ITGA1: variants seen among roughly 807,000 people sequenced by gnomAD.
The protein encoded by ITGA1 is integrin subunit alpha 1.
ITGA1 carries 85 observed loss-of-function variants against 145.9 expected under a neutral mutation model. The observed-to-expected ratio is 0.58, with a 90% CI of 0.49 to 0.70. The LOEUF (loss-of-function observed/expected upper bound fraction) is 0.70, where lower values mean the gene tolerates loss of function less well. Among genes scored for constraint, ITGA1 ranks in the 30% least tolerant of loss-of-function variants. ITGA1 has a pLI of 0.00. For missense variants in ITGA1, 1,351 were observed against 1,418.7 expected, an observed-to-expected ratio of 0.95 and a Z score of 0.77; for synonymous variants, 520 against 495.3, an observed-to-expected ratio of 1.05 and a Z score of -0.66.
chr5:52,943,384 C>T (rs1201692974), intron 26 of ITGA1, among the ~76,000 whole-genome samples: 1 of 152,128 alleles, frequency 6.6e-6, no homozygotes, highest in Non-Finnish European at 1.5e-5. Flanking sequence ...AGTCTCTGTA[C>T]AGGATCTTTA....
intron 3 of ITGA1, among the ~76,000 whole-genome samples, chr5:52,861,992 C>T (rs367789758): frequency 6.6e-6 from 1 of 151,674 alleles, no homozygotes; most frequent in Non-Finnish European, 1.5e-5. Context: ...CCGAGGCAGG[C>T]GGATCACCTG....
intron 6 of ITGA1, among the ~76,000 whole-genome samples, chr5:52,870,868 T>TA (rs1417749742): frequency 6.6e-6 from 1 of 152,200 alleles, no homozygotes. Context: ...GGCAAGGGTG[T>TA]AGGTGAGATA....
intron 1 of ITGA1, among the ~76,000 whole-genome samples, chr5:52,810,012 C>A (rs534771280): frequency 4.1e-5 from 6 of 147,468 alleles, no homozygotes; most frequent in East Asian, 1.9e-4. Context: ...GATTGTGGAA[C>A]CTTTGTATAA....
intron 18 of ITGA1, 148 bp downstream of exon 18, chr5:52,923,035 C>A (rs1750753573): frequency 3.4e-6 from 2 of 591,682 alleles, no homozygotes; most frequent in African/African-American, 1.9e-5. Context: ...AGATTTTATT[C>A]CTGGTCAGGA....
chr5:52,868,972 A>G (rs534205365), intron 6 of ITGA1, among the ~76,000 whole-genome samples: 14 of 152,296 alleles, frequency 9.2e-5, no homozygotes, highest in African/African-American at 3.4e-4. Flanking sequence ...AGTGGGGAAG[A>G]TGACAGACAA....
intron 7 of ITGA1, among the ~76,000 whole-genome samples, chr5:52,882,642 G>A (rs1283239011): frequency 6.6e-6 from 1 of 151,810 alleles, no homozygotes; most frequent in African/African-American, 2.4e-5. Context: ...TTTCCTTATG[G>A]TGAACACATA....
intron 7 of ITGA1, 127 bp from the exon 8 acceptor site, chr5:52,887,688 C>A: frequency 1.3e-6 from 1 of 753,178 alleles, no homozygotes; most frequent in Non-Finnish European, 2.1e-6. Context: ...GAATGATGGG[C>A]ATTGATGCTA....
rs368450440 is a variant in ITGA1, at chr5:52,905,853, T to C, written c.1400T>C (p.Ile467Thr). 3.7e-6 allele frequency: 6 copies of C among 1,613,608 alleles called. No individual in the cohort carries two copies. Among genetic ancestry groups the C allele is most frequent in the South Asian group, 1.1e-5 (1 of 91,022 alleles). The change falls in exon 12 of 29, where the codon ATC becomes ACC. Residue 467 changes from isoleucine to threonine, a missense_variant. Coordinates refer to ENST00000282588, the MANE Select transcript of ITGA1 (RefSeq NM_181501.2). ...TACAATCATACAGGCCAGGTCATTA[T>C]CTACAGGATGGAAGATGGAAACATC... ...PRYNHTGQVI[I>T]YRMEDGNIKI...
chr5:52,888,914 G>C (rs1329648426), intron 8 of ITGA1, among the ~76,000 whole-genome samples: 1 of 152,184 alleles, frequency 6.6e-6, no homozygotes, highest in Non-Finnish European at 1.5e-5. Flanking sequence ...CTCTGGGATG[G>C]TCACTGATAC....
intron 1 of ITGA1, among the ~76,000 whole-genome samples, chr5:52,793,981 C>T (rs1748291109): frequency 6.6e-6 from 1 of 151,778 alleles, no homozygotes; most frequent in African/African-American, 2.4e-5. Flanking sequence ...TCAAAACTTT[C>T]CTATGATTTA....
chr5:52,905,808 A>AT lies in ITGA1; in HGVS notation c.1356dup (p.Ile453TyrfsTer46). ...ACTGCTTCTTCTGGAGATGTGCTCT[A>AT]TATTGCTGGACAGCCTCGGTACAAT... On this transcript the variant is annotated frameshift_variant, in exon 12 of 29. Transcript: ENST00000282588. LOFTEE classifies it high-confidence loss of function. 1 of 1,613,822 alleles carries AT rather than the reference A, an allele frequency of 6.2e-7. No individual in the cohort carries two copies. The highest frequency in any genetic ancestry group is 8.5e-7 in the Non-Finnish European group (1 of 1,179,816).
chr5:52,945,406 A>T (rs1751120935), intron 27 of ITGA1, among the ~76,000 whole-genome samples: 1 of 152,220 alleles, frequency 6.6e-6, no homozygotes, highest in African/African-American at 2.4e-5. Flanking sequence ...CGCAAAAAAC[A>T]ACTTCTTTAT....
chr5:52,926,318 A>C (rs895188962), intron 19 of ITGA1, among the ~76,000 whole-genome samples: 2 of 152,158 alleles, frequency 1.3e-5, no homozygotes, highest in Non-Finnish European at 1.5e-5. Flanking sequence ...AATATTAATT[A>C]CAGGCTGGGC....
chr5:52,821,471 T>C (rs1278168158), intron 1 of ITGA1, among the ~76,000 whole-genome samples: 2 of 152,164 alleles, frequency 1.3e-5, no homozygotes, highest in East Asian at 3.8e-4. Flanking sequence ...ACAGAATTGG[T>C]AAATGGAAAA....
At chr5:52,792,289 T>G (rs988938343) in intron 1 of ITGA1, among the ~76,000 whole-genome samples, 1 of 152,136 alleles carries the variant, frequency 6.6e-6, no homozygotes, top group African/African-American at 2.4e-5. Flanking sequence ...GGGGAGGAAG[T>G]CAGCCACTTA....
At chr5:52,831,682 G>A (rs1436705627) in intron 1 of ITGA1, among the ~76,000 whole-genome samples, 3 of 151,406 alleles carry the variant, frequency 2.0e-5, no homozygotes, top group African/African-American at 4.9e-5. Flanking sequence ...CATCTCGCAA[G>A]TGACTACAAA....
intron 1 of ITGA1, among the ~76,000 whole-genome samples, chr5:52,788,890 C>G (rs1012337804): frequency 1.3e-5 from 2 of 151,918 alleles, no homozygotes; most frequent in Non-Finnish European, 2.9e-5. Context: ...TTTTCCCATG[C>G]AGAACAAGAA....
chr5:52,818,990 C>T (rs1211718702), intron 1 of ITGA1, among the ~76,000 whole-genome samples: 1 of 152,128 alleles, frequency 6.6e-6, no homozygotes, highest in African/African-American at 2.4e-5. Flanking sequence ...CCAATCCCTC[C>T]TGTACTATGC....
At chr5:52,861,006 T>C (rs1481674855) in intron 2 of ITGA1, among the ~76,000 whole-genome samples, 3 of 152,190 alleles carry the variant, frequency 2.0e-5, no homozygotes, top group African/African-American at 7.2e-5. Context: ...TAGGAAAAAG[T>C]CACTTATACT....
Sources: gnomAD v4.1 joint callset for allele counts (sites outside exome capture counted in the v4.1 genomes callset) on GRCh38, gnomAD v4.1.1 for gene constraint, MANE v1.5 for transcripts, NCBI Gene and HGNC (gene_info 2026-07-23, HGNC 2026-07-21) for gene names.